Variants in CCSER1 observed in about 807,000 individuals in gnomAD.
CCSER1 encodes serine-rich coiled-coil domain-containing protein 1.
CCSER1 carries 41 observed loss-of-function variants against 82.0 expected under a neutral mutation model. The ratio of observed to expected loss-of-function variants is 0.50; its 90% CI spans 0.39 to 0.65. The LOEUF (loss-of-function observed/expected upper bound fraction) is 0.65. Among genes scored for constraint, CCSER1 ranks in the 30% least tolerant of loss-of-function variants. The pLI, the probability that CCSER1 is intolerant of heterozygous loss-of-function variation, is 0.00. For synonymous variants in CCSER1, 414 were observed against 383.9 expected (o/e 1.08, Z -0.92); for missense variants, 1,119 against 1,064.2 (o/e 1.05, Z -0.72).
intron 10 of CCSER1, among the ~76,000 whole-genome samples, chr4:91,205,971 A>G (rs1736310216): frequency 6.6e-6 from 1 of 151,868 alleles, no homozygotes; most frequent in Non-Finnish European, 1.5e-5. Flanking sequence ...GTAAAGTAAC[A>G]TCTTACAATA....
intron 10 of CCSER1, among the ~76,000 whole-genome samples, chr4:91,433,064 T>A (rs542678496): frequency 6.6e-6 from 1 of 152,294 alleles, no homozygotes; most frequent in East Asian, 1.9e-4. Context: ...AGTGATATAA[T>A]AATATATAAG....
At chr4:90,199,217 A>T (rs1190159313) in intron 1 of CCSER1, among the ~76,000 whole-genome samples, 2 of 152,184 alleles carry the variant, frequency 1.3e-5, no homozygotes, top group Admixed American at 6.6e-5. Context: ...TAAAAAGGGT[A>T]TTGTAACAGA....
chr4:90,916,310 A>G (rs537258500), intron 8 of CCSER1, among the ~76,000 whole-genome samples: 1 of 152,344 alleles, frequency 6.6e-6, no homozygotes, highest in Non-Finnish European at 1.5e-5. Context: ...TGGTACCAAA[A>G]CAGAGATATA....
At chr4:91,229,773 G>C (rs779063092) in intron 10 of CCSER1, among the ~76,000 whole-genome samples, 1 of 152,130 alleles carries the variant, frequency 6.6e-6, no homozygotes, top group Non-Finnish European at 1.5e-5. Flanking sequence ...TCATTAGTGG[G>C]AGTTAAACAA....
chr4:91,408,371 T>G (rs1278603650), intron 10 of CCSER1, among the ~76,000 whole-genome samples: 1 of 152,202 alleles, frequency 6.6e-6, no homozygotes, highest in Non-Finnish European at 1.5e-5. Context: ...ACAAGAATGC[T>G]TTATCTCATG....
At position 90,548,449 on chromosome 4, in the gene CCSER1, A is replaced by G. The variant is rs1178968190; in HGVS notation, c.1725-79576A>G. 2.6e-5 allele frequency among the ~76,000 whole-genome samples: 4 copies of G among 152,100 alleles called. No individual in the cohort carries two copies. In the South Asian group the frequency reaches 6.2e-4, roughly 24 times the overall value. On this transcript the variant is annotated intron_variant, in intron 5 of 10. Coordinates refer to ENST00000509176, the MANE Select transcript of CCSER1 (RefSeq NM_001145065.2). ...AATGTTATCTTCACTGACAATTTCA[A>G]AGGACGCAAGGAAAGGGGAGCCTGG...
chr4:91,194,703 CAGAA>C (rs1291230263), intron 10 of CCSER1, among the ~76,000 whole-genome samples: 1 of 152,070 alleles, frequency 6.6e-6, no homozygotes, highest in South Asian at 2.1e-4. Context: ...CAAATGCACG[CAGAA>C]AGAGAGAGGT....
intron 3 of CCSER1, among the ~76,000 whole-genome samples, chr4:90,384,875 C>G (rs1010241792): frequency 3.3e-5 from 5 of 152,108 alleles, no homozygotes; most frequent in African/African-American, 1.2e-4. Context: ...TTCTTCAAAT[C>G]TCACTCCTCC....
At chr4:90,169,832 T>C (rs1016700178) in intron 1 of CCSER1, among the ~76,000 whole-genome samples, 10 of 152,100 alleles carry the variant, frequency 6.6e-5, no homozygotes, top group Admixed American at 3.9e-4. Flanking sequence ...CACATGTACT[T>C]ATCTAGTGTC....
chr4:91,451,476 A>C (rs1050643519), intron 10 of CCSER1, among the ~76,000 whole-genome samples: 2 of 152,068 alleles, frequency 1.3e-5, no homozygotes, highest in Admixed American at 6.6e-5. Context: ...ACCCAGACAC[A>C]CTTCAATAAA....
chr4:90,501,820 G>A (rs1769924376), intron 5 of CCSER1, among the ~76,000 whole-genome samples: 1 of 152,008 alleles, frequency 6.6e-6, no homozygotes, highest in South Asian at 2.1e-4. Flanking sequence ...ATATTTTTAT[G>A]TATTGTATAC....
chr4:91,216,880 AC>A (rs1264284645), intron 10 of CCSER1, among the ~76,000 whole-genome samples: 6 of 152,168 alleles, frequency 3.9e-5, no homozygotes, highest in Non-Finnish European at 1.5e-5. Flanking sequence ...TGGAACACAA[AC>A]AATATTGATA....
intron 1 of CCSER1, among the ~76,000 whole-genome samples, chr4:90,139,819 G>A (rs140736390): frequency 9.9e-5 from 15 of 152,246 alleles, no homozygotes; most frequent in African/African-American, 2.9e-4. Context: ...AATTAGCCAG[G>A]TGTGGTGGCA....
At chr4:91,546,503 C>A (rs114804089) in intron 10 of CCSER1, among the ~76,000 whole-genome samples, 1,882 of 152,066 alleles carry the variant, frequency 0.012, 36 homozygotes, top group African/African-American at 0.043. Context: ...TCCATTTCAT[C>A]CAGGTTATCA....
chr4:91,151,857 G>C (rs557537001), intron 10 of CCSER1, among the ~76,000 whole-genome samples: 2 of 152,240 alleles, frequency 1.3e-5, no homozygotes, highest in Non-Finnish European at 2.9e-5. Flanking sequence ...TATAATTTCT[G>C]TTCTTTTCCA....
chr4:90,992,841 A>G (rs1737159527), intron 9 of CCSER1, among the ~76,000 whole-genome samples: 1 of 151,960 alleles, frequency 6.6e-6, no homozygotes, highest in Non-Finnish European at 1.5e-5. Flanking sequence ...GGGAGACCAC[A>G]GACGATAGGT....
intron 5 of CCSER1, among the ~76,000 whole-genome samples, chr4:90,550,138 G>C (rs1196612913): frequency 6.6e-6 from 1 of 152,106 alleles, no homozygotes; most frequent in East Asian, 1.9e-4. Context: ...AGTAGCCAGT[G>C]GACAGTTGAG....
intron 10 of CCSER1, among the ~76,000 whole-genome samples, chr4:91,376,902 C>CCCCCCGTT (rs141460197): frequency 7.0e-6 from 1 of 142,672 alleles, no homozygotes; most frequent in South Asian, 2.3e-4. Flanking sequence ...TACTATCCCT[C>CCCCCCGTT]CCCCCACCCA....
At chr4:90,207,574 G>A (rs1457344799) in intron 1 of CCSER1, among the ~76,000 whole-genome samples, 4 of 152,090 alleles carry the variant, frequency 2.6e-5, no homozygotes, top group East Asian at 1.9e-4. Flanking sequence ...GAGACAAGGC[G>A]TTCTGGTTTT....
Sources: allele counts gnomAD v4.1 joint callset (sites outside exome capture counted in the v4.1 genomes callset), GRCh38; gene constraint gnomAD v4.1.1; transcripts MANE v1.5; gene names NCBI Gene and HGNC (gene_info 2026-07-23, HGNC 2026-07-21).